KANK1: variants seen among roughly 807,000 people sequenced by gnomAD.
KANK1 encodes the protein KN motif and ankyrin repeat domains 1, also known as KN motif and ankyrin repeat domain-containing protein 1.
Under a neutral mutation model 106.2 loss-of-function variants are expected in KANK1, and 109 were observed. That is an observed-to-expected ratio of 1.03 (90% confidence interval 0.88 to 1.20). KANK1 has a LOEUF of 1.20. KANK1 is among the 50% of genes most tolerant of loss of function. The pLI is 0.00. For synonymous variants in KANK1, 873 were observed against 652.2 expected (o/e 1.34, Z -5.16); for missense variants, 2,399 against 1,710.7 (o/e 1.40, Z -7.10).
upstream of KANK1, among the ~76,000 whole-genome samples, chr9:501,613 T>TACACACACACAC (rs60211646): frequency 2.7e-5 from 4 of 148,432 alleles, no homozygotes; most frequent in African/African-American, 7.4e-5. Flanking sequence ...CGCACAGACA[T>TACACACACACAC]ACACACACAC....
chr9:520,263 G>T (rs893006351), intron 1 of KANK1, among the ~76,000 whole-genome samples: 2 of 151,902 alleles, frequency 1.3e-5, no homozygotes, highest in Middle Eastern at 3.4e-3. Flanking sequence ...ACCTCAGCCT[G>T]GGGAGGTTAA....
chr9:494,124 G>A lies in KANK1; in HGVS notation c.-362+20851G>A, dbSNP rs12006369. Among the ~76,000 whole-genome samples the A allele has an allele frequency of 7.6e-3, 1,149 of 151,796 alleles. 19 individuals carry two copies. Among genetic ancestry groups the A allele is most frequent in the African/African-American group, 0.024 (1,012 of 41,350 alleles). ...TCTGGAACTCCTGACCTCGTGATCC[G>A]CCTGCCTTGACCTCCCAAAGTGCTG... On this transcript the variant is annotated intron_variant, in intron 3 of 15. Coordinates refer to the KANK1 transcript ENST00000382303.
chr9:572,290 G>C (rs1819404651), intron 1 of KANK1, among the ~76,000 whole-genome samples: 2 of 151,638 alleles, frequency 1.3e-5, no homozygotes, highest in South Asian at 4.2e-4. Context: ...TGAACAGCTA[G>C]GACTACTTGC....
At chr9:584,803 A>G (rs966240982) in intron 1 of KANK1, among the ~76,000 whole-genome samples, 4 of 152,232 alleles carry the variant, frequency 2.6e-5, no homozygotes, top group Admixed American at 2.6e-4. Context: ...GAAGAAGAGC[A>G]AGCTTGGGTA....
At chr9:558,978 T>G (rs1815647084) in intron 1 of KANK1, 1 of 152,186 alleles carries the variant, frequency 6.6e-6, no homozygotes, top group Non-Finnish European at 1.5e-5. Context: ...CAAATGACCA[T>G]GAGCATTAGT....
In KANK1 at chr9:631,337, G is replaced by C. The variant is rs373902760; in HGVS notation, c.-83-45553G>C. On this transcript the variant is annotated intron_variant, in intron 1 of 11. Coordinates refer to ENST00000382297, the MANE Select transcript of KANK1 (RefSeq NM_015158.5). The stretch of plus-strand genomic sequence containing the variant: ...CCCAGGATTTGTGGGGCTCCCCCTG[G>C]GCAGCCTTAACCAGGAAAATTTCAT... Among the ~76,000 whole-genome samples the C allele has an allele frequency of 2.8e-4, 43 of 152,222 alleles. No homozygotes were observed. In the East Asian group the frequency reaches 6.6e-3, roughly 23 times the overall value.
chr9:474,188 G>C (rs1251195987), intron 3 of KANK1, among the ~76,000 whole-genome samples: 2 of 152,212 alleles, frequency 1.3e-5, no homozygotes, highest in Non-Finnish European at 2.9e-5. Flanking sequence ...TGCCCATGGT[G>C]ATGAACACAT....
intron 1 of KANK1, among the ~76,000 whole-genome samples, chr9:636,153 G>T (rs1439356425): frequency 6.6e-6 from 1 of 152,180 alleles, no homozygotes; most frequent in African/African-American, 2.4e-5. Context: ...TTCAGTTTCA[G>T]TTGGCCTGGG....
At chr9:561,049 A>G (rs1159995892) in intron 1 of KANK1, among the ~76,000 whole-genome samples, 1 of 152,186 alleles carries the variant, frequency 6.6e-6, no homozygotes, top group Non-Finnish European at 1.5e-5. Flanking sequence ...GCTACCTCCG[A>G]GGGCTTGTTT....
intron 1 of KANK1, among the ~76,000 whole-genome samples, chr9:640,660 G>C (rs1014814034): frequency 6.6e-6 from 1 of 151,360 alleles, no homozygotes; most frequent in Non-Finnish European, 1.5e-5. Flanking sequence ...GCCTCCCCAA[G>C]TGCTGGGTTT....
intron 1 of KANK1, among the ~76,000 whole-genome samples, chr9:574,766 A>G (rs966027146): frequency 1.3e-5 from 2 of 151,590 alleles, no homozygotes; most frequent in Non-Finnish European, 2.9e-5. Flanking sequence ...GAGGCAGGAG[A>G]ATCGCTGACC....
intron 1 of KANK1, chr9:660,227 G>C (rs766344035): frequency 7.7e-6 from 2 of 258,194 alleles, no homozygotes; most frequent in African/African-American, 2.3e-5. Context: ...AGAATATGGA[G>C]GTCATTCAGC....
chr9:707,297 G>A (rs1039249967), intron 2 of KANK1: 2 of 931,604 alleles, frequency 2.1e-6, no homozygotes, highest in African/African-American at 1.8e-5. Flanking sequence ...CCGAATTCCG[G>A]GGGGCCTGGG....
chr9:616,961 C>T (rs1563868230), intron 1 of KANK1, among the ~76,000 whole-genome samples: 2 of 152,120 alleles, frequency 1.3e-5, no homozygotes, highest in African/African-American at 2.4e-5. Flanking sequence ...TGTGATTCTT[C>T]CTTAGGAAGG....
chr9:582,883 C>G (rs534849078), intron 1 of KANK1, among the ~76,000 whole-genome samples: 1 of 152,328 alleles, frequency 6.6e-6, no homozygotes, highest in African/African-American at 2.4e-5. Context: ...AACATATAAG[C>G]CGGTGAAGAA....
chr9:602,256 T>C (rs7034435), intron 1 of KANK1, among the ~76,000 whole-genome samples: 4,499 of 151,450 alleles, frequency 0.03, 307 homozygotes, highest in African/African-American at 0.099. Context: ...CATTTTTATT[T>C]ATTTTATTTT....
intron 3 of KANK1, among the ~76,000 whole-genome samples, chr9:717,526 A>G (rs1384016316): frequency 6.6e-6 from 1 of 152,196 alleles, no homozygotes; most frequent in African/African-American, 2.4e-5. Context: ...TTGAGAGACA[A>G]TGTCTTGGTT....
intron 2 of KANK1, 138 bp from the exon 3 acceptor site, chr9:710,666 T>C: frequency 3.3e-6 from 2 of 610,016 alleles, no homozygotes; most frequent in African/African-American, 3.8e-5. Flanking sequence ...ACCCAGCTGT[T>C]GTAGATCCAG....
chr9:686,192 C>T (rs1270942190), intron 2 of KANK1, among the ~76,000 whole-genome samples: 2 of 152,158 alleles, frequency 1.3e-5, no homozygotes, highest in East Asian at 3.8e-4. Flanking sequence ...TCAGTATCCC[C>T]CTCATGTAAG....
Sources: allele counts gnomAD v4.1 joint callset (sites outside exome capture counted in the v4.1 genomes callset), GRCh38; gene constraint gnomAD v4.1.1; transcripts MANE v1.5; gene names NCBI Gene and HGNC (gene_info 2026-07-23, HGNC 2026-07-21).